VAV2: variants seen among roughly 807,000 people sequenced by gnomAD.
The protein encoded by VAV2 is guanine nucleotide exchange factor VAV2.
Under a neutral mutation model 132.5 loss-of-function variants are expected in VAV2, and 67 were observed. The ratio of observed to expected loss-of-function variants is 0.51; its 90% CI spans 0.42 to 0.62. The LOEUF is 0.62. Ranked by LOEUF, VAV2 falls within the 20% of genes least tolerant of loss-of-function variation. VAV2 has a pLI of 0.00. For missense variants in VAV2, 938 were observed against 1,153.6 expected (o/e 0.81, Z 2.71); for synonymous variants, 492 against 443.5 (o/e 1.11, Z -1.37).
intron 3 of VAV2, among the ~76,000 whole-genome samples, chr9:133,856,078 T>C (rs1308915431): frequency 6.6e-6 from 1 of 152,164 alleles, no homozygotes; most frequent in Non-Finnish European, 1.5e-5. Flanking sequence ...TATGATTCCA[T>C]GGACATGAAA....
intron 2 of VAV2, among the ~76,000 whole-genome samples, chr9:133,866,177 G>A (rs1837793394): frequency 6.6e-6 from 1 of 152,234 alleles, no homozygotes; most frequent in Admixed American, 6.5e-5. Context: ...GGGGAGCCAA[G>A]CTGGCCTGGC....
chr9:133,836,831 G>A (rs1032719918), intron 3 of VAV2, among the ~76,000 whole-genome samples: 2 of 152,202 alleles, frequency 1.3e-5, no homozygotes, highest in Non-Finnish European at 1.5e-5. Flanking sequence ...TGGTGAGTGA[G>A]CACACACGCG....
intron 11 of VAV2, 138 bp downstream of exon 11, chr9:133,796,291 T>G: frequency 2.4e-4 from 164 of 670,602 alleles, no homozygotes; most frequent in Middle Eastern, 5.0e-4. Context: ...GCGGTGATTA[T>G]GAGCTAAGCA....
chr9:133,858,265 G>A (rs1043793919), intron 3 of VAV2, among the ~76,000 whole-genome samples: 1 of 152,186 alleles, frequency 6.6e-6, no homozygotes, highest in Non-Finnish European at 1.5e-5. Flanking sequence ...CTCTGCAGGC[G>A]CTGGGGATGG....
intron 3 of VAV2, among the ~76,000 whole-genome samples, chr9:133,848,279 C>CAAAA (rs34908811): frequency 5.4e-4 from 26 of 48,598 alleles, no homozygotes; most frequent in Non-Finnish European, 1.3e-3. Flanking sequence ...GACTCCGTCT[C>CAAAA]AAAAAAAAAA....
intron 17 of VAV2, 23 bp downstream of exon 17, chr9:133,785,753 G>A (rs752764936): frequency 3.7e-6 from 6 of 1,609,432 alleles, no homozygotes; most frequent in Non-Finnish European, 5.1e-6. Context: ...CAGGGACCTG[G>A]GGGCTGCCGC....
chr9:133,798,831 T>C (rs1834822582), intron 9 of VAV2, among the ~76,000 whole-genome samples: 1 of 152,176 alleles, frequency 6.6e-6, no homozygotes, highest in African/African-American at 2.4e-5. Context: ...CTCCGTGAAC[T>C]TGCTAGGAGC....
chr9:133,972,565 C>T (rs571587376), intron 1 of VAV2, among the ~76,000 whole-genome samples: 2 of 152,260 alleles, frequency 1.3e-5, no homozygotes, highest in African/African-American at 4.8e-5. Flanking sequence ...CCTGAGCCCC[C>T]CTGAGAAACA....
intron 3 of VAV2, among the ~76,000 whole-genome samples, chr9:133,842,514 T>A (rs1350649207): frequency 6.6e-6 from 1 of 152,060 alleles, no homozygotes; most frequent in Non-Finnish European, 1.5e-5. Context: ...AGGGATTTCT[T>A]GGGATGCGGG....
intron 2 of VAV2, among the ~76,000 whole-genome samples, chr9:133,902,456 G>A (rs977049799): frequency 1.3e-5 from 2 of 152,216 alleles, no homozygotes; most frequent in Admixed American, 1.3e-4. Flanking sequence ...CTCCCACATT[G>A]AGATGTTTCT....
chr9:133,933,549 G>A (rs1376055463), intron 2 of VAV2, among the ~76,000 whole-genome samples: 3 of 151,504 alleles, frequency 2.0e-5, no homozygotes, highest in Non-Finnish European at 4.4e-5. Context: ...GTGGATGGAT[G>A]GATGGATGGT....
intron 2 of VAV2, among the ~76,000 whole-genome samples, chr9:133,922,996 TCAA>T (rs1308360291): frequency 6.6e-6 from 1 of 152,276 alleles, no homozygotes; most frequent in East Asian, 1.9e-4. Flanking sequence ...CTCCTACAAC[TCAA>T]CAACAACAAA....
At chr9:133,921,679 C>A (rs1840301578) in intron 2 of VAV2, among the ~76,000 whole-genome samples, 1 of 152,210 alleles carries the variant, frequency 6.6e-6, no homozygotes, top group South Asian at 2.1e-4. Context: ...AGAACTCCTA[C>A]AATAAGCCCA....
chr9:133,787,685 T>G (rs1331248343), intron 15 of VAV2, among the ~76,000 whole-genome samples: 1 of 135,522 alleles, frequency 7.4e-6, no homozygotes, highest in African/African-American at 2.8e-5. Flanking sequence ...GAAGCAGGAC[T>G]GAACCAGACA....
chr9:133,887,412 G>A (rs1375408320), intron 2 of VAV2, among the ~76,000 whole-genome samples: 2 of 152,116 alleles, frequency 1.3e-5, no homozygotes, highest in African/African-American at 2.4e-5. Flanking sequence ...TGGCCCCAGG[G>A]AATTCACAGG....
intron 27 of VAV2, 25 bp downstream of exon 27, chr9:133,770,352 GT>G (rs2131567334): frequency 6.2e-7 from 1 of 1,613,328 alleles, no homozygotes; most frequent in East Asian, 2.2e-5. Context: ...AGGAGTGCTG[GT>G]GTGCCGGCTG....
chr9:133,779,777 G>A, intron 21 of VAV2, 141 bp downstream of exon 21: 2 of 1,139,476 alleles, frequency 1.8e-6, no homozygotes, highest in Non-Finnish European at 2.4e-6. Context: ...AAGAGGGAGG[G>A]GGCCCAGATG....
Position 133,932,306 on chromosome 9 carries a change from G to A in VAV2, c.321+6797C>T, listed in dbSNP as rs181737505. On this transcript the variant is annotated intron_variant, in intron 2 of 29. Transcript: ENST00000371850. ...GGCCGTGGCGGGGAGCAGGGCCAAC[G>A]GCTCCCATCAGCAAGGGCTGCGGAC... is the stretch of plus-strand genomic sequence containing the variant. Among the ~76,000 whole-genome samples the A allele has an allele frequency of 1.4e-4, 21 of 152,310 alleles. No individual in the cohort carries two copies. In the East Asian group the frequency reaches 3.1e-3, roughly 22 times the overall value.
intron 2 of VAV2, among the ~76,000 whole-genome samples, chr9:133,889,126 G>A (rs12351265): frequency 0.016 from 2,423 of 152,244 alleles, 75 homozygotes; most frequent in African/African-American, 0.055. Flanking sequence ...CTGCTCTTCC[G>A]CCCTCGGGGT....
Sources: gnomAD v4.1 joint callset for allele counts (sites outside exome capture counted in the v4.1 genomes callset) on GRCh38, gnomAD v4.1.1 for gene constraint, MANE v1.5 for transcripts, NCBI Gene and HGNC (gene_info 2026-07-23, HGNC 2026-07-21) for gene names.